The following JAKMIP3 variants were observed in gnomAD, a reference collection of about 807,000 sequenced individuals.
JAKMIP3 encodes Janus kinase and microtubule interacting protein 3, also known as janus kinase and microtubule-interacting protein 3.
Under a neutral mutation model 118.5 loss-of-function variants are expected in JAKMIP3, and 58 were observed. The ratio of observed to expected loss-of-function variants is 0.49; its 90% confidence interval spans 0.40 to 0.61. The LOEUF is 0.61. Ranked by LOEUF, JAKMIP3 falls within the 20% of genes least tolerant of loss-of-function variation. JAKMIP3 has a pLI of 0.00. For synonymous variants in JAKMIP3, 486 were observed against 451.2 expected, an observed-to-expected ratio of 1.08 and a Z score of -0.98; for missense variants, 950 against 1,109.0, an observed-to-expected ratio of 0.86 and a Z score of 2.04.
At chr10:132,180,890 T>C (rs1408579989) in intron 23 of JAKMIP3, among the ~76,000 whole-genome samples, 1 of 151,914 alleles carries the variant, frequency 6.6e-6, no homozygotes, top group African/African-American at 2.4e-5. Context: ...TGCATGTATG[T>C]GTATGTGTTG....
chr10:132,054,705 G>A (rs375701082), intron 1 of JAKMIP3, among the ~76,000 whole-genome samples: 40 of 152,354 alleles, frequency 2.6e-4, no homozygotes, highest in African/African-American at 8.2e-4. Context: ...TAAGACTAAG[G>A]TGTGGTCAGT....
At chr10:132,176,569 A>G (rs1487895872) in intron 23 of JAKMIP3, among the ~76,000 whole-genome samples, 2 of 152,170 alleles carry the variant, frequency 1.3e-5, no homozygotes, top group Non-Finnish European at 2.9e-5. Context: ...GCTTTGTAGC[A>G]GACACGTTTC....
intron 1 of JAKMIP3, among the ~76,000 whole-genome samples, chr10:132,068,321 G>A (rs777107555): frequency 6.6e-6 from 1 of 152,226 alleles, no homozygotes; most frequent in Non-Finnish European, 1.5e-5. Flanking sequence ...TTCCAGACAG[G>A]CAAGCTAGGA....
intron 1 of JAKMIP3, among the ~76,000 whole-genome samples, chr10:132,056,520 C>T (rs2038239410): frequency 6.6e-6 from 1 of 152,184 alleles, no homozygotes; most frequent in Non-Finnish European, 1.5e-5. Context: ...GCTCTGCTGC[C>T]CTTAGAGTTC....
Position 132,167,985 on chromosome 10 carries a change from G to T in JAKMIP3, c.*55G>T, listed in dbSNP as rs561333794. The T allele has an allele frequency of 7.1e-5, 92 of 1,289,572 alleles. No homozygotes were observed. In the African/African-American group the frequency reaches 1.3e-3, roughly 19 times the overall value. The allele number at this position is 1,289,572 out of a possible 1,614,324, so 79.9% of individuals were successfully genotyped here. A position where few individuals can be genotyped will look rare whatever the true frequency, so the allele number is the denominator to read the frequency against. ...TTGAATCGGACCCTTTTCCTCCAGT[G>T]GGACCAGAAAGCAGGGACAAAATGG... On this transcript the variant is annotated 3_prime_UTR_variant, in exon 23 of 24. Coordinates refer to ENST00000684848, the MANE Select transcript of JAKMIP3 (RefSeq NM_001323087.2).
rs369589455 is a variant in JAKMIP3 at position 132,149,234 on chromosome 10, A to G, written c.1849-178A>G. On this transcript the variant is annotated intron_variant, in intron 14 of 23. Coordinates refer to ENST00000684848, the MANE Select transcript of JAKMIP3 (RefSeq NM_001323087.2). Reference sequence around the variant, plus strand: ...ATATACAGGGGCAGTCCTTGTGGGCAGGTCCAGGTCCAGTGCAGATTCTGC... The same window carrying G: ...ATATACAGGGGCAGTCCTTGTGGGCGGGTCCAGGTCCAGTGCAGATTCTGC... 9.1e-4 allele frequency among the ~76,000 whole-genome samples: 139 copies of G among 152,148 alleles called. 1 individual carries two copies. The East Asian group carries it at 0.025, about 27-fold the overall frequency.
chr10:132,083,338 A>G (rs2042010483), intron 1 of JAKMIP3, among the ~76,000 whole-genome samples: 1 of 152,032 alleles, frequency 6.6e-6, no homozygotes, highest in African/African-American at 2.4e-5. Flanking sequence ...TCTTCTTTCG[A>G]GAATTGTCTA....
intron 19 of JAKMIP3, among the ~76,000 whole-genome samples, chr10:132,162,056 G>A (rs1364227476): frequency 7.7e-6 from 1 of 130,088 alleles, no homozygotes; most frequent in Non-Finnish European, 1.8e-5. Flanking sequence ...GTGGCTCTCG[G>A]TCGCTCGGGT....
intron 1 of JAKMIP3, among the ~76,000 whole-genome samples, chr10:132,057,739 A>T (rs2038276889): frequency 6.6e-6 from 1 of 152,146 alleles, no homozygotes; most frequent in Non-Finnish European, 1.5e-5. Flanking sequence ...TCAGGGCTGA[A>T]ACGAAGGCAG....
At chr10:132,121,347 C>T (rs868222948) in intron 3 of JAKMIP3, among the ~76,000 whole-genome samples, 6 of 152,266 alleles carry the variant, frequency 3.9e-5, no homozygotes, top group African/African-American at 1.2e-4. Context: ...GTTCTCCCAA[C>T]GAGAGACAGC....
chr10:132,109,224 G>T (rs546568451), intron 2 of JAKMIP3, among the ~76,000 whole-genome samples: 4 of 152,086 alleles, frequency 2.6e-5, no homozygotes, highest in Middle Eastern at 3.4e-3. Context: ...GATGGCTTGA[G>T]CCCAGGAGGT....
chr10:132,047,462 G>A (rs2133791481), intron 1 of JAKMIP3, among the ~76,000 whole-genome samples: 2 of 152,320 alleles, frequency 1.3e-5, no homozygotes, highest in South Asian at 4.1e-4. Flanking sequence ...AAAAGGACCT[G>A]CATACTTCAG....
At chr10:132,163,124 A>G (rs2058529740) in intron 19 of JAKMIP3, 85 bp from the exon 20 acceptor site, 1 of 1,294,214 alleles carries the variant, frequency 7.7e-7, no homozygotes, top group Non-Finnish European at 1.1e-6. Context: ...TCCCAGGCGG[A>G]GGGTGGCCCG....
intron 1 of JAKMIP3, among the ~76,000 whole-genome samples, chr10:132,040,479 CAG>C (rs921992955): frequency 7.2e-5 from 11 of 152,300 alleles, no homozygotes; most frequent in African/African-American, 2.4e-4. Context: ...CAGCCACACA[CAG>C]AGTTTGGATC....
chr10:132,049,039 A>T lies in JAKMIP3; in HGVS notation c.-138+12301A>T, dbSNP rs78928884. Among the ~76,000 whole-genome samples, 93,132 of 151,226 alleles carry T rather than the reference A, an allele frequency of 0.62. 28,993 individuals carry two copies. Among genetic ancestry groups the T allele is most frequent in the East Asian group, 0.81 (4,167 of 5,164 alleles). ...CCACATTGTTTCTTTACTTCTCTGCATGTCCTGAAAGCCTGCTGCTGGTCC... is the reference window on the plus strand; with the variant it reads ...CCACATTGTTTCTTTACTTCTCTGCTTGTCCTGAAAGCCTGCTGCTGGTCC... On this transcript the variant is annotated intron_variant, in intron 1 of 23. Coordinates refer to the JAKMIP3 transcript ENST00000657785. The surrounding 1 kb of genome is among the most constrained non-coding windows in gnomAD (Gnocchi z 4.3).
intron 23 of JAKMIP3, among the ~76,000 whole-genome samples, chr10:132,175,051 G>T (rs1232882539): frequency 3.3e-5 from 5 of 152,120 alleles, no homozygotes; most frequent in African/African-American, 7.2e-5. Context: ...CTTCCAGTCT[G>T]TCTTTCATCT....
At chr10:132,121,870 C>A (rs1017417045) in intron 3 of JAKMIP3, among the ~76,000 whole-genome samples, 2 of 152,132 alleles carry the variant, frequency 1.3e-5, no homozygotes, top group Admixed American at 6.5e-5. Context: ...TGAGGACAGT[C>A]GCGTCTGGCA....
upstream of JAKMIP3, among the ~76,000 whole-genome samples, chr10:132,062,526 G>A (rs1010169812): frequency 2.4e-5 from 3 of 124,384 alleles, no homozygotes; most frequent in African/African-American, 6.1e-5. Context: ...GGGATACAGC[G>A]AAGATGGACG....
rs373821824 is a variant in JAKMIP3 at position 132,137,308 on chromosome 10, C to T, written c.1284+19C>T. ...CGTGTTAGTAAGTATGGTCAGCGCCCGCTTCCCCACGCCTCCGCTCCCCAC... is the reference window on the plus strand; with the variant it reads ...CGTGTTAGTAAGTATGGTCAGCGCCTGCTTCCCCACGCCTCCGCTCCCCAC... On this transcript the variant is annotated intron_variant, in intron 8 of 23. Coordinates refer to ENST00000684848, the MANE Select transcript of JAKMIP3 (RefSeq NM_001323087.2). 108 of 1,613,504 alleles carry T rather than the reference C, an allele frequency of 6.7e-5. No homozygotes were observed. Among genetic ancestry groups the T allele is most frequent in the Admixed American group, 2.8e-4 (17 of 60,000 alleles).
Sources: gnomAD v4.1 joint callset for allele counts (sites outside exome capture counted in the v4.1 genomes callset) on GRCh38, gnomAD v4.1.1 for gene constraint, Gnocchi (gnomAD v3.1) non-coding constraint, MANE v1.5 for transcripts, NCBI Gene and HGNC (gene_info 2026-07-23, HGNC 2026-07-21) for gene names.